ALOX15B: variants seen among roughly 807,000 people sequenced by gnomAD.
ALOX15B encodes arachidonate 15-lipoxygenase type B.
ALOX15B carries 74 observed loss-of-function variants against 73.8 expected under a neutral mutation model. The ratio of observed to expected loss-of-function variants is 1.00; its 90% CI spans 0.83 to 1.22. The LOEUF is 1.22. Among genes scored for constraint, ALOX15B ranks in the 50% most tolerant of loss-of-function variants. ALOX15B has a pLI of 0.00. For synonymous variants in ALOX15B, 353 were observed against 357.2 expected (o/e 0.99, Z 0.13); for missense variants, 896 against 859.9 (o/e 1.04, Z -0.52).
chr17:8,041,359 A>G (rs1474572128), intron 3 of ALOX15B, among the ~76,000 whole-genome samples: 1 of 152,240 alleles, frequency 6.6e-6, no homozygotes, highest in Non-Finnish European at 1.5e-5. Context: ...AGTCTTGCAC[A>G]ACTGTGTGCT....
At chr17:8,043,898 G>C (rs1299829250) in intron 5 of ALOX15B, among the ~76,000 whole-genome samples, 1 of 152,090 alleles carries the variant, frequency 6.6e-6, no homozygotes, top group Admixed American at 6.5e-5. Context: ...GCAAAATCCC[G>C]TCTCTACTAA....
rs202150737 is a variant in ALOX15B at position 8,045,431 on chromosome 17, A to G, written c.996+47A>G. ...GGGCAGCGTGAAGAAGAGTCAGGAGAATGGTTGGAAGACACTCATGGCTGC... is the reference window on the plus strand; with the variant it reads ...GGGCAGCGTGAAGAAGAGTCAGGAGGATGGTTGGAAGACACTCATGGCTGC... On this transcript the variant is annotated intron_variant, in intron 7 of 13. Coordinates refer to ENST00000380183, the MANE Select transcript of ALOX15B (RefSeq NM_001141.3). The G allele has an allele frequency of 3.9e-4, 625 of 1,613,528 alleles. 1 individual carries two copies. In the African/African-American group the frequency reaches 6.1e-3, roughly 16 times the overall value.
chr17:8,039,636 G>A (rs1266744520), intron 2 of ALOX15B, 31 bp downstream of exon 2: 37 of 1,189,436 alleles, frequency 3.1e-5, no homozygotes, highest in Admixed American at 6.4e-5. Context: ...GGGCTGCAGG[G>A]GGAGCACAGG....
chr17:8,046,788 C>T (rs72842918), intron 9 of ALOX15B, 34 bp downstream of exon 9: 17,431 of 1,611,776 alleles, frequency 0.011, 124 homozygotes, highest in Non-Finnish European at 0.012. Flanking sequence ...GTAGGCAGGC[C>T]ACTCCTTCAA....
At chr17:8,042,921 T>C (rs1976501937) in intron 5 of ALOX15B, 37 bp downstream of exon 5, 2 of 1,506,058 alleles carry the variant, frequency 1.3e-6, no homozygotes, top group East Asian at 2.5e-5. Context: ...ACCTCTTTCC[T>C]GGGGCATCAG....
At chr17:8,039,654 AGG>A in intron 2 of ALOX15B, 49 bp downstream of exon 2, 1 of 612,644 alleles carries the variant, frequency 1.6e-6, no homozygotes, top group East Asian at 3.5e-5. Context: ...AGGAAGGGGT[AGG>A]GGACTGGGGG....
chr17:8,042,439 A>C lies in ALOX15B; in HGVS notation c.520A>C (p.Ile174Leu). The C allele has an allele frequency of 6.2e-7, 1 of 1,614,050 alleles. No individual in the cohort carries two copies. The highest frequency in any genetic ancestry group is 1.1e-5 in the South Asian group (1 of 91,080). The part of the protein sequence containing the change: ...EKTVEDLELN[I>L]KYSTAKNANF... The stretch of plus-strand genomic sequence containing the variant: ...GACAGTGGAAGACTTGGAGCTCAAT[A>C]TCAAATACTCCACAGCCAAGAATGC... Residue 174 changes from isoleucine (I) to leucine (L), a missense_variant, in exon 4 of 14, where the codon ATC (isoleucine) becomes CTC (leucine). By Grantham distance (5) the Ile-to-Leu change is conservative (BLOSUM62 2). Coordinates refer to ENST00000380183, the MANE Select transcript of ALOX15B (RefSeq NM_001141.3).
At chr17:8,042,694 A>T in intron 4 of ALOX15B, 87 bp from the exon 5 acceptor site, 8 of 1,389,732 alleles carry the variant, frequency 5.8e-6, no homozygotes, top group Non-Finnish European at 7.9e-6. Flanking sequence ...AGGCTGGTTC[A>T]GGATCCCAAG....
chr17:8,042,470 T>C lies in ALOX15B; in HGVS notation c.551T>C (p.Phe184Ser), dbSNP rs767788007. Residue 184 changes from phenylalanine (F) to serine (S), a missense_variant, in exon 4 of 14, where the codon TTT (phenylalanine) becomes TCT (serine). Transcript: ENST00000380183. ...TACTCCACAGCCAAGAATGCCAACT[T>C]TTATCTACAGGCTGGCTCTGCGTGA... ...IKYSTAKNAN[F>S]YLQAGSAFAE... The C allele has an allele frequency of 2.5e-6, 4 of 1,613,814 alleles. No individual in the cohort carries two copies. In the Admixed American group the frequency reaches 5.0e-5, roughly 20 times the overall value.
intron 5 of ALOX15B, 72 bp from the exon 6 acceptor site, chr17:8,044,757 T>TG: frequency 3.0e-6 from 2 of 662,240 alleles, no homozygotes; most frequent in Non-Finnish European, 5.0e-6. Flanking sequence ...GGTAACCCCG[T>TG]CCCCGTGTCC....
intron 2 of ALOX15B, 60 bp downstream of exon 2, chr17:8,039,665 G>T: frequency 8.1e-7 from 1 of 1,241,880 alleles, no homozygotes; most frequent in South Asian, 1.4e-5. Flanking sequence ...GGGGACTGGG[G>T]GTTGGGGAGA....
At chr17:8,044,115 G>GGAAA (rs1376945469) in intron 5 of ALOX15B, among the ~76,000 whole-genome samples, 1 of 122,108 alleles carries the variant, frequency 8.2e-6, no homozygotes, top group East Asian at 3.0e-4. Flanking sequence ...GAGGAAGGAA[G>GGAAA]GAAGGAAGGA....
chr17:8,044,706 G>A lies in ALOX15B; in HGVS notation c.677-123G>A, dbSNP rs544274683. 187 of 833,162 alleles carry A rather than the reference G, an allele frequency of 2.2e-4. 1 individual carries two copies. In the East Asian group the frequency reaches 3.3e-3, roughly 15 times the overall value. The allele number at this position is 833,162 out of a possible 1,614,324, so 51.6% of individuals were successfully genotyped here. On this transcript the variant is annotated intron_variant, in intron 5 of 13. Coordinates refer to ENST00000380183, the MANE Select transcript of ALOX15B (RefSeq NM_001141.3). Reference sequence around the variant, plus strand: ...CAAGGGGCAGGGGAGGTAACTCTGAGGACACACTGTGAAGATTAGCCAGAG... The same window carrying A: ...CAAGGGGCAGGGGAGGTAACTCTGAAGACACACTGTGAAGATTAGCCAGAG...
intron 4 of ALOX15B, 25 bp downstream of exon 4, chr17:8,042,516 C>A (rs765571444): frequency 1.2e-6 from 2 of 1,610,418 alleles, no homozygotes; most frequent in South Asian, 1.1e-5. Flanking sequence ...CCTTCCCTGC[C>A]CCTGGGCCTC....
At chr17:8,043,440 C>T (rs1364750277) in intron 5 of ALOX15B, among the ~76,000 whole-genome samples, 1 of 152,194 alleles carries the variant, frequency 6.6e-6, no homozygotes, top group Non-Finnish European at 1.5e-5. Flanking sequence ...GAAAACACCA[C>T]TGTGGTCAAA....
chr17:8,043,295 G>A (rs901699235), intron 5 of ALOX15B, among the ~76,000 whole-genome samples: 6 of 152,224 alleles, frequency 3.9e-5, no homozygotes, highest in African/African-American at 1.4e-4. Context: ...TCCCAAGGGG[G>A]TGAACTATGC....
intron 3 of ALOX15B, among the ~76,000 whole-genome samples, chr17:8,040,639 GA>G (rs760917197): frequency 4.5e-5 from 6 of 132,488 alleles, no homozygotes; most frequent in Non-Finnish European, 8.8e-5. Flanking sequence ...AAGAAAGAAA[GA>G]AAGAAAGAAA....
Position 8,048,719 on chromosome 17 carries a change from C to A in ALOX15B, c.*154C>A. ...TGTAACTCACCCCCACCACCATACA[C>A]ACACACAAAAACAGAAACAAAATCA... On this transcript the variant is annotated 3_prime_UTR_variant, in exon 14 of 14. Coordinates refer to ENST00000380183, the MANE Select transcript of ALOX15B (RefSeq NM_001141.3). 1.4e-6 allele frequency: 1 copy of A among 719,764 alleles called. No homozygotes were observed. The highest frequency in any genetic ancestry group is 2.2e-6 in the Non-Finnish European group (1 of 460,800). 44.6% of individuals were successfully genotyped at this position (719,764 alleles called of 1,614,324 possible).
intron 3 of ALOX15B, among the ~76,000 whole-genome samples, chr17:8,040,555 A>AG (rs1268158143): frequency 1.3e-5 from 2 of 149,282 alleles, no homozygotes; most frequent in Non-Finnish European, 3.0e-5. Context: ...AAAAAGAAAA[A>AG]AAAAAAGGAA....
Sources: gnomAD v4.1 joint callset for allele counts (sites outside exome capture counted in the v4.1 genomes callset) on GRCh38, gnomAD v4.1.1 for gene constraint, MANE v1.5 for transcripts, NCBI Gene and HGNC (gene_info 2026-07-23, HGNC 2026-07-21) for gene names.